The following EZH2 variants were observed in gnomAD, a reference collection of about 807,000 sequenced individuals.
EZH2 encodes the protein histone-lysine N-methyltransferase EZH2.
Under a neutral mutation model 98.4 loss-of-function variants are expected in EZH2, and 18 were observed. That is an observed-to-expected ratio of 0.18 (90% CI 0.13 to 0.27). EZH2 has a LOEUF of 0.27. EZH2 is among the 10% of genes least tolerant of loss of function. The probability of loss-of-function intolerance (pLI) is 1.00; values close to 1 mark genes in which losing one functional copy is unlikely to be tolerated. For missense variants in EZH2, 470 were observed against 935.1 expected, an observed-to-expected ratio of 0.50 and a Z score of 6.49; for synonymous variants, 338 against 312.3, an observed-to-expected ratio of 1.08 and a Z score of -0.87.
chr7:148,821,642 T>C (rs950924887), intron 8 of EZH2, among the ~76,000 whole-genome samples: 25 of 152,020 alleles, frequency 1.6e-4, no homozygotes, highest in Admixed American at 3.9e-4. Context: ...CTGGGCAACA[T>C]AGTGAGACCC....
chr7:148,826,535 G>C lies in EZH2; in HGVS notation c.826C>G (p.Gln276Glu). The change falls in exon 8 of 20, where the codon CAA (glutamine) becomes GAA (glutamate). Residue 276 changes from glutamine to glutamate, a missense_variant. Physicochemically the swap from Gln to Glu is conservative, Grantham distance 29. Coordinates refer to ENST00000320356, the MANE Select transcript of EZH2 (RefSeq NM_004456.5). ...GPNAKSVQRE[Q>E]SLHSFHTLFC... The stretch of plus-strand genomic sequence containing the variant: ...AGCGTATGAAAGGAGTGTAAGCTTT[G>C]CTCTCTCTGAACAGATTTAGCATTT... The C allele has an allele frequency of 6.2e-7, 1 of 1,606,150 alleles. No homozygotes were observed. Among genetic ancestry groups the C allele is most frequent in the South Asian group, 1.1e-5 (1 of 89,738 alleles).
intron 1 of EZH2, among the ~76,000 whole-genome samples, chr7:148,883,846 GGCCCCGGC>G (rs921894228): frequency 1.6e-4 from 25 of 151,736 alleles, no homozygotes; most frequent in East Asian, 5.9e-4. Flanking sequence ...CCCCGACCCC[GGCCCCGGC>G]GCCCCGGCCA....
intron 1 of EZH2, among the ~76,000 whole-genome samples, chr7:148,848,061 C>A (rs1161168411): frequency 6.6e-6 from 1 of 152,196 alleles, no homozygotes; most frequent in Non-Finnish European, 1.5e-5. Context: ...CACCTTAAGT[C>A]TAAACAAGCG....
intron 1 of EZH2, among the ~76,000 whole-genome samples, chr7:148,863,475 C>T (rs1817998344): frequency 6.6e-6 from 1 of 152,184 alleles, no homozygotes; most frequent in South Asian, 2.1e-4. Flanking sequence ...TCTGTTTTCA[C>T]TTATCTTCTC....
At chr7:148,865,021 G>A (rs945079983) in intron 1 of EZH2, among the ~76,000 whole-genome samples, 5 of 151,980 alleles carry the variant, frequency 3.3e-5, no homozygotes, top group African/African-American at 1.2e-4. Context: ...CAGCTATTTG[G>A]GAGTCTGAGG....
chr7:148,853,885 C>T (rs1005613307), intron 1 of EZH2, among the ~76,000 whole-genome samples: 8 of 152,118 alleles, frequency 5.3e-5, no homozygotes, highest in African/African-American at 2.4e-5. Flanking sequence ...CCAACAGCAT[C>T]GTCAGAAAAA....
chr7:148,826,598 C>A lies in EZH2; in HGVS notation c.763G>T (p.Ala255Ser). ...KELTEQQLPG[A>S]LPPECTPNID... ...TTGGGGGTACATTCAGGAGGAAGTG[C>A]GCCTGGGAGCTGCTGTTCGGTGAGT... Residue 255 changes from alanine (A) to serine (S), a missense_variant, in exon 8 of 20, where the codon GCA becomes TCA. This residue lies in a region of EZH2 where 192 missense variants were observed against 306.8 expected (regional missense o/e 0.63). Transcript: ENST00000320356. 1 of 1,555,662 alleles carries A rather than the reference C, an allele frequency of 6.4e-7. No individual in the cohort carries two copies. The highest frequency in any genetic ancestry group is 1.3e-5 in the South Asian group (1 of 79,508).
chr7:148,827,924 T>C (rs113154082), intron 6 of EZH2, among the ~76,000 whole-genome samples: 3,280 of 152,294 alleles, frequency 0.022, 88 homozygotes, highest in African/African-American at 0.065. Context: ...GAGACCATCC[T>C]GGCTAACACG....
intron 8 of EZH2, among the ~76,000 whole-genome samples, chr7:148,821,988 G>T (rs549666249): frequency 6.6e-6 from 1 of 152,294 alleles, no homozygotes; most frequent in East Asian, 1.9e-4. Context: ...GGCAATGAAG[G>T]AAATATCTCA....
chr7:148,874,853 C>T (rs969213824), intron 1 of EZH2, among the ~76,000 whole-genome samples: 1 of 150,290 alleles, frequency 6.7e-6, no homozygotes, highest in African/African-American at 2.5e-5. Flanking sequence ...GCCGAGATCG[C>T]GCCACCGCAC....
At chr7:148,840,338 A>T (rs79983094) in intron 3 of EZH2, among the ~76,000 whole-genome samples, 4,421 of 152,282 alleles carry the variant, frequency 0.029, 108 homozygotes, top group Non-Finnish European at 0.046. Flanking sequence ...AACACTACAT[A>T]TTTTTTAAAA....
At chr7:148,850,498 T>C in intron 1 of EZH2, 1 of 933,734 alleles carries the variant, frequency 1.1e-6, no homozygotes, top group African/African-American at 1.8e-5. Context: ...AGGTAGTTCT[T>C]TGAAAGTGTA....
At chr7:148,817,504 A>G (rs1804874646) in intron 10 of EZH2, 113 bp from the exon 11 acceptor site, 3 of 1,075,264 alleles carry the variant, frequency 2.8e-6, no homozygotes, top group Non-Finnish European at 1.3e-6. Flanking sequence ...CTCAAATCCA[A>G]TCGGCAAAAC....
At chr7:148,868,748 G>C (rs969801430) in intron 1 of EZH2, among the ~76,000 whole-genome samples, 1 of 152,074 alleles carries the variant, frequency 6.6e-6, no homozygotes, top group African/African-American at 2.4e-5. Context: ...ATTTCCATTA[G>C]TATAGAATGT....
intron 1 of EZH2, among the ~76,000 whole-genome samples, chr7:148,877,466 AT>A (rs754669439): frequency 1.3e-5 from 2 of 152,248 alleles, no homozygotes; most frequent in Non-Finnish European, 2.9e-5. Context: ...AAAATCATTT[AT>A]CAAACACTTT....
In EZH2 at chr7:148,817,779, AAC is replaced by A. The variant is rs757823464; in HGVS notation, c.1240+96_1240+97del. On this transcript the variant is annotated intron_variant, in intron 10 of 19. Coordinates refer to ENST00000320356, the MANE Select transcript of EZH2 (RefSeq NM_004456.5). ...TAACTCTGGTCTTTATACTGAAACTAACCAACTAAGAAAATTATTCAATGCAT... is the reference window on the plus strand; with the variant it reads ...TAACTCTGGTCTTTATACTGAAACTACAACTAAGAAAATTATTCAATGCAT... 21 of 1,515,924 alleles carry A rather than the reference AAC, an allele frequency of 1.4e-5. No homozygotes were observed. The African/African-American group carries it at 2.9e-4, about 21-fold the overall frequency. 93.9% of individuals were successfully genotyped at this position (1,515,924 alleles called of 1,614,324 possible).
intron 1 of EZH2, among the ~76,000 whole-genome samples, chr7:148,862,700 T>A (rs568238054): frequency 6.6e-6 from 1 of 152,328 alleles, no homozygotes; most frequent in South Asian, 2.1e-4. Context: ...AGAAGCACTT[T>A]ACACACATTC....
rs551083962 is a variant in EZH2, at chr7:148,816,469, T to C, written c.1505+215A>G. The stretch of plus-strand genomic sequence containing the variant: ...GTCTGGTAACCGTAATTTTTATGAC[T>C]CTTAACATACCAAATATACTGAAGG... On this transcript the variant is annotated intron_variant, in intron 12 of 19. Coordinates refer to ENST00000320356, the MANE Select transcript of EZH2 (RefSeq NM_004456.5). 2.6e-5 allele frequency among the ~76,000 whole-genome samples: 4 copies of C among 152,364 alleles called. No homozygotes were observed. In the South Asian group the frequency reaches 6.2e-4, roughly 24 times the overall value.
At chr7:148,834,352 T>TATATATATATATATATACAC in intron 3 of EZH2, among the ~76,000 whole-genome samples, 1 of 143,414 alleles carries the variant, frequency 7.0e-6, no homozygotes, top group African/African-American at 2.6e-5. Context: ...TATATATATA[T>TATATATATATATATATACAC]ACACACACAC....
Sources: allele counts gnomAD v4.1 joint callset (sites outside exome capture counted in the v4.1 genomes callset), GRCh38; gene constraint gnomAD v4.1.1; regional missense constraint gnomAD v4.1.1; transcripts MANE v1.5; gene names NCBI Gene and HGNC (gene_info 2026-07-23, HGNC 2026-07-21).